Variants in KCNK17 observed in about 807,000 individuals in gnomAD.
KCNK17 encodes the protein potassium channel subfamily K member 17.
In KCNK17, 27 loss-of-function variants were observed where a neutral mutation model predicts 24.6. The observed-to-expected ratio is 1.10, with a 90% confidence interval of 0.81 to 1.51. The LOEUF (loss-of-function observed/expected upper bound fraction) is 1.51, where lower values mean the gene tolerates loss of function less well. KCNK17 is among the 40% of genes most tolerant of loss of function. The pLI is 0.00. For missense variants in KCNK17, 450 were observed against 436.6 expected (o/e 1.03, Z -0.27); for synonymous variants, 181 against 189.8 (o/e 0.95, Z 0.38).
chr6:39,299,852 G>T, intron 4 of KCNK17, 115 bp from the exon 5 acceptor site: 1 of 1,083,864 alleles, frequency 9.2e-7, no homozygotes, highest in Non-Finnish European at 1.4e-6. Flanking sequence ...GTGCCAATGG[G>T]ACAGAACATG....
At chr6:39,304,859 G>C (rs1241031310) in intron 2 of KCNK17, among the ~76,000 whole-genome samples, 4 of 152,180 alleles carry the variant, frequency 2.6e-5, no homozygotes, top group African/African-American at 2.4e-5. Context: ...GTTCACCCTC[G>C]AAACCACCCT....
intron 2 of KCNK17, among the ~76,000 whole-genome samples, chr6:39,309,097 G>A (rs536929346): frequency 7.4e-4 from 113 of 152,320 alleles, no homozygotes; most frequent in African/African-American, 2.5e-3. Flanking sequence ...AGGCCAAGGC[G>A]GGTGGATCAC....
intron 4 of KCNK17, among the ~76,000 whole-genome samples, chr6:39,300,116 G>A (rs546434376): frequency 9.2e-5 from 14 of 151,672 alleles, no homozygotes; most frequent in South Asian, 4.2e-4. Context: ...CCAGCAATCC[G>A]TATTTTTTGT....
chr6:39,299,695 A>C lies in KCNK17; in HGVS notation c.731T>G (p.Met244Arg). 1.2e-6 allele frequency: 2 copies of C among 1,614,140 alleles called. No homozygotes were observed. Among genetic ancestry groups the C allele is most frequent in the South Asian group, 2.2e-5 (2 of 91,078 alleles). Residue 244 changes from methionine (M) to arginine (R), a missense_variant, in exon 5 of 5, where the codon ATG becomes AGG. Coordinates refer to ENST00000373231, the MANE Select transcript of KCNK17 (RefSeq NM_031460.4). The stretch of plus-strand genomic sequence containing the variant: ...CCCAAAGAGGATCCACAGGGACACC[A>C]TGTTCTTGTACCACAGTGGGTACCT... The part of the protein sequence containing the change: ...SQRYPLWYKN[M>R]VSLWILFGMA...
Position 39,299,413 on chromosome 6 carries a change from A to G in KCNK17, c.*14T>C. 1 of 1,597,758 alleles carries G rather than the reference A, an allele frequency of 6.3e-7. No individual in the cohort carries two copies. Among genetic ancestry groups the G allele is most frequent in the Non-Finnish European group, 8.6e-7 (1 of 1,167,676 alleles). On this transcript the variant is annotated 3_prime_UTR_variant, in exon 5 of 5. Transcript: ENST00000373231. ...TCTTGCTACCGAGGACGACGACCAA[A>G]GAATGGAGTATAACTAGCTGTCCTT... is the stretch of plus-strand genomic sequence containing the variant.
chr6:39,311,117 C>CAA, intron 1 of KCNK17, 110 bp from the exon 2 acceptor site: 1 of 534,928 alleles, frequency 1.9e-6, no homozygotes, highest in Non-Finnish European at 3.2e-6. Context: ...CACACACACA[C>CAA]ACAAACAAAC....
In KCNK17 at chr6:39,303,936, C is replaced by G. The variant is rs376971234; in HGVS notation, c.688+21G>C. The G allele has an allele frequency of 3.5e-4, 564 of 1,607,530 alleles. 2 individuals are homozygous for G. The highest frequency in any genetic ancestry group is 4.6e-4 in the Non-Finnish European group (537 of 1,178,750). On this transcript the variant is annotated intron_variant, in intron 4 of 4. Coordinates refer to ENST00000373231, the MANE Select transcript of KCNK17 (RefSeq NM_031460.4). ...TAGGCAGCCGAATGTCCCCGCCAGCCCAACCGCCAGGAACTCTCACCAATC... is the reference window on the plus strand; with the variant it reads ...TAGGCAGCCGAATGTCCCCGCCAGCGCAACCGCCAGGAACTCTCACCAATC...
At chr6:39,302,135 T>C (rs1207246808) in intron 4 of KCNK17, among the ~76,000 whole-genome samples, 1 of 152,186 alleles carries the variant, frequency 6.6e-6, no homozygotes, top group Non-Finnish European at 1.5e-5. Flanking sequence ...TACGAGGCAC[T>C]GCCATGACTG....
In KCNK17 at chr6:39,299,723, G is replaced by C. The variant is rs145713278; in HGVS notation, c.703C>G (p.Gln235Glu). ...GDYVIGMNPS[Q>E]RYPLWYKNMV... Reference sequence around the variant, plus strand: ...TTCTTGTACCACAGTGGGTACCTCTGGGAGGGGTTCATTCCTGGGGAAGAG... The same window carrying C: ...TTCTTGTACCACAGTGGGTACCTCTCGGAGGGGTTCATTCCTGGGGAAGAG... Residue 235 changes from glutamine (Q) to glutamate (E), a missense_variant, in exon 5 of 5, where the codon CAG becomes GAG. Transcript: ENST00000373231. 6 of 1,613,454 alleles carry C rather than the reference G, an allele frequency of 3.7e-6. No homozygotes were observed. In the African/African-American group the frequency reaches 8.0e-5, roughly 22 times the overall value.
chr6:39,302,413 A>G (rs961543581), intron 4 of KCNK17, among the ~76,000 whole-genome samples: 7 of 152,138 alleles, frequency 4.6e-5, no homozygotes, highest in Middle Eastern at 3.2e-3. Context: ...AACTATGGGA[A>G]AACAATGAAG....
At chr6:39,299,883 C>T (rs974910054) in intron 4 of KCNK17, 146 bp from the exon 5 acceptor site, 2 of 820,104 alleles carry the variant, frequency 2.4e-6, no homozygotes, top group African/African-American at 3.4e-5. Flanking sequence ...GCCTCATGGT[C>T]ACCTCCGAAG....
intron 4 of KCNK17, among the ~76,000 whole-genome samples, chr6:39,303,301 G>A (rs776352210): frequency 1.2e-4 from 18 of 152,172 alleles, no homozygotes; most frequent in Non-Finnish European, 2.2e-4. Flanking sequence ...AGGAAGGGGC[G>A]GTGATGAGGC....
intron 2 of KCNK17, among the ~76,000 whole-genome samples, chr6:39,308,179 A>G (rs1762068510): frequency 6.6e-6 from 1 of 152,186 alleles, no homozygotes; most frequent in Non-Finnish European, 1.5e-5. Flanking sequence ...CAGCTCCCCA[A>G]GGGCTGGGAC....
chr6:39,311,762 C>G (rs1162916660), intron 1 of KCNK17, among the ~76,000 whole-genome samples: 1 of 151,974 alleles, frequency 6.6e-6, no homozygotes, highest in African/African-American at 2.4e-5. Flanking sequence ...TTTAGCTGGG[C>G]CTTTGAGGGT....
At position 39,299,599 on chromosome 6, in the gene KCNK17, C is replaced by T. The variant is rs1761915100; in HGVS notation, c.827G>A (p.Cys276Tyr). 2 of 1,614,006 alleles carry T rather than the reference C, an allele frequency of 1.2e-6. No individual in the cohort carries two copies. Among genetic ancestry groups the T allele is most frequent in the South Asian group, 1.1e-5 (1 of 91,084 alleles). Residue 276 changes from cysteine (C) to tyrosine (Y), a missense_variant, in exon 5 of 5, where the codon TGC becomes TAC. Physicochemically the swap from Cys to Tyr is radical, Grantham distance 194 (BLOSUM62 -2). Coordinates refer to ENST00000373231, the MANE Select transcript of KCNK17 (RefSeq NM_031460.4). ...QLETPGRVCSCCHHSSKEDFK... is the reference protein window; with the variant it reads ...QLETPGRVCSYCHHSSKEDFK... ...GTCTTCCTTAGAGCTGTGGTGGCAG[C>T]AGGAACATACCCTCCCTGGCGTCTC... is the stretch of plus-strand genomic sequence containing the variant.
At chr6:39,307,095 CCTCT>C (rs897901161) in intron 2 of KCNK17, among the ~76,000 whole-genome samples, 2 of 152,022 alleles carry the variant, frequency 1.3e-5, no homozygotes, top group South Asian at 2.1e-4. Flanking sequence ...TTCTGTCCTT[CCTCT>C]CTCTCTCTTT....
In KCNK17 at chr6:39,301,186, C is replaced by A. The variant is rs544565441; in HGVS notation, c.689-1449G>T. Among the ~76,000 whole-genome samples the A allele has an allele frequency of 6.6e-5, 10 of 152,314 alleles. No homozygotes were observed. The South Asian group carries it at 2.1e-3, about 32-fold the overall frequency. Reference sequence around the variant, plus strand: ...GAGCTGCTGTGAGTCTTAGATAAATCTTGCCAAGGATTTGCCCTATCATTT... The same window carrying A: ...GAGCTGCTGTGAGTCTTAGATAAATATTGCCAAGGATTTGCCCTATCATTT... On this transcript the variant is annotated intron_variant, in intron 4 of 4. Coordinates refer to ENST00000373231, the MANE Select transcript of KCNK17 (RefSeq NM_031460.4).
chr6:39,312,370 G>C (rs924174271), intron 1 of KCNK17, among the ~76,000 whole-genome samples: 3 of 152,154 alleles, frequency 2.0e-5, no homozygotes, highest in Admixed American at 6.5e-5. Context: ...GTTGAGGAAG[G>C]GGGTGAGGTG....
At chr6:39,302,123 G>A (rs1019376479) in intron 4 of KCNK17, among the ~76,000 whole-genome samples, 13 of 152,346 alleles carry the variant, frequency 8.5e-5, no homozygotes, top group Non-Finnish European at 1.5e-4. Flanking sequence ...GTGGTGACCT[G>A]CTACGAGGCA....
Sources: gnomAD v4.1 joint callset for allele counts (sites outside exome capture counted in the v4.1 genomes callset) on GRCh38, gnomAD v4.1.1 for gene constraint, MANE v1.5 for transcripts, NCBI Gene and HGNC (gene_info 2026-07-23, HGNC 2026-07-21) for gene names.